SUGCT: variants seen among roughly 807,000 people sequenced by gnomAD.
SUGCT encodes the protein succinyl-CoA:glutarate-CoA transferase, also known as succinyl-CoA:glutarate CoA-transferase.
In SUGCT, 41 loss-of-function variants were observed where a neutral mutation model predicts 55.0. The observed-to-expected ratio is 0.74, with a 90% confidence interval of 0.58 to 0.97. SUGCT has a LOEUF of 0.97. SUGCT is among the 50% of genes least tolerant of loss of function. The pLI is 0.00. For synonymous variants in SUGCT, 187 were observed against 200.4 expected, an observed-to-expected ratio of 0.93 and a Z score of 0.56; for missense variants, 568 against 547.8, an observed-to-expected ratio of 1.04 and a Z score of -0.37.
At chr7:40,258,443 A>G (rs551588448) in intron 7 of SUGCT, among the ~76,000 whole-genome samples, 3 of 152,236 alleles carry the variant, frequency 2.0e-5, no homozygotes, top group African/African-American at 4.8e-5. Flanking sequence ...CAATGGCGCG[A>G]TCTTGGCTCA....
At chr7:40,975,100 CTCTAGTG>C in the SUGCT span, among the ~76,000 whole-genome samples, 4 of 152,174 alleles carry the variant, frequency 2.6e-5, no homozygotes, top group African/African-American at 9.7e-5. Context: ...TCTGAGGTGA[CTCTAGTG>C]TCTGATCAAT....
chr7:40,852,608 AT>A (rs60617283), intron 13 of SUGCT, among the ~76,000 whole-genome samples: 14,687 of 141,996 alleles, frequency 0.1, 805 homozygotes, highest in Middle Eastern at 0.2. Context: ...ACACTAGATC[AT>A]TTTTTTTTTT....
intron 12 of SUGCT, among the ~76,000 whole-genome samples, chr7:40,676,981 A>G (rs191369530): frequency 9.4e-4 from 143 of 151,862 alleles, no homozygotes; most frequent in African/African-American, 3.3e-3. Context: ...TGAAGTGCCC[A>G]CATAAGTCAT....
the SUGCT span, among the ~76,000 whole-genome samples, chr7:41,022,317 T>G: frequency 6.6e-6 from 1 of 152,206 alleles, no homozygotes; most frequent in Admixed American, 6.5e-5. Flanking sequence ...TAACTTTATA[T>G]TGAAAACAAC....
At chr7:40,223,759 T>G (rs1788177190) in intron 6 of SUGCT, among the ~76,000 whole-genome samples, 1 of 152,222 alleles carries the variant, frequency 6.6e-6, no homozygotes, top group Non-Finnish European at 1.5e-5. Context: ...TATTCTGTTC[T>G]TTCATTTATC....
In SUGCT at chr7:40,510,141, T is replaced by G. The variant is rs186411070; in HGVS notation, c.1089+13755T>G. 4.3e-3 allele frequency among the ~76,000 whole-genome samples: 651 copies of G among 152,168 alleles called. 6 individuals are homozygous for G. The highest frequency in any genetic ancestry group is 0.014 in the African/African-American group (593 of 41,552). ...AATAAATAACCAGAATTATAAAACA[T>G]TATTTATTATATTGATTATAAGGTA... is the stretch of plus-strand genomic sequence containing the variant. On this transcript the variant is annotated intron_variant, in intron 12 of 13. Transcript: ENST00000335693.
chr7:40,379,268 G>T (rs1252843682), intron 9 of SUGCT, among the ~76,000 whole-genome samples: 2 of 152,156 alleles, frequency 1.3e-5, no homozygotes, highest in African/African-American at 4.8e-5. Context: ...TCCTATTGTT[G>T]TAAGCCACCT....
intron 13 of SUGCT, among the ~76,000 whole-genome samples, chr7:40,777,415 G>A (rs1298728593): frequency 1.3e-5 from 2 of 151,436 alleles, no homozygotes; most frequent in Admixed American, 1.3e-4. Flanking sequence ...ACATTCTGAT[G>A]TGAATGGCCA....
chr7:40,566,117 G>A lies in SUGCT; in HGVS notation c.1089+69731G>A, dbSNP rs187673958. ...TGAATGACTCTGCTTCCCATGGAGC[G>A]TCTACAGTGTAGTCTTCTTAATCTT... is the stretch of plus-strand genomic sequence containing the variant. On this transcript the variant is annotated intron_variant, in intron 12 of 13. Transcript: ENST00000335693. 1.4e-4 allele frequency among the ~76,000 whole-genome samples: 21 copies of A among 152,134 alleles called. 1 individual carries two copies. In the East Asian group the frequency reaches 3.5e-3, roughly 25 times the overall value.
chr7:40,334,256 G>A (rs961238798), intron 9 of SUGCT, among the ~76,000 whole-genome samples: 3 of 152,124 alleles, frequency 2.0e-5, no homozygotes, highest in Admixed American at 2.0e-4. Flanking sequence ...ATTCCTTTGG[G>A]TATATACCCA....
rs375712336 is a variant in SUGCT at position 40,793,666 on chromosome 7, ATTTG to A, written c.1153+44174_1153+44177del. On this transcript the variant is annotated intron_variant, in intron 13 of 13. Coordinates refer to ENST00000335693, the MANE Select transcript of SUGCT (RefSeq NM_001193313.2). ...TTATATTTTTATTATCTTGTTTATA[ATTTG>A]TTTGACTTTTTGAATCTGAGAAGTC... is the stretch of plus-strand genomic sequence containing the variant. Among the ~76,000 whole-genome samples, 228 of 152,102 alleles carry A rather than the reference ATTTG, an allele frequency of 1.5e-3. 1 individual carries two copies. The highest frequency in any genetic ancestry group is 6.8e-3 in the Middle Eastern group (2 of 294).
At chr7:40,212,965 A>G (rs1462388593) in intron 6 of SUGCT, among the ~76,000 whole-genome samples, 1 of 152,230 alleles carries the variant, frequency 6.6e-6, no homozygotes, top group Non-Finnish European at 1.5e-5. Context: ...GTCGTATCAT[A>G]TATCATAAAT....
Position 40,180,845 on chromosome 7 carries a change from C to T in SUGCT, c.101-102C>T. On this transcript the variant is annotated intron_variant, in intron 1 of 13. Transcript: ENST00000335693. ...GTCTGTGGACTCCCTTGCTAAGAAT[C>T]ACTGTAGTCCTTGTGATCTGTCTCA... The T allele has an allele frequency of 4.6e-6, 4 of 862,930 alleles. No homozygotes were observed. In the Admixed American group the frequency reaches 8.4e-5, roughly 18 times the overall value. The allele number at this position is 862,930 out of a possible 1,614,324, so 53.5% of individuals were successfully genotyped here. A position where few individuals can be genotyped will look rare whatever the true frequency, so the allele number is the denominator to read the frequency against.
At chr7:40,900,584 G>T in the SUGCT span, among the ~76,000 whole-genome samples, 3 of 152,220 alleles carry the variant, frequency 2.0e-5, no homozygotes, top group Admixed American at 6.5e-5. Context: ...CAAACGCATC[G>T]TCTGTGCCCA....
rs1474115572 is a variant in SUGCT, at chr7:40,779,862, G to A, written c.1153+30365G>A. Among the ~76,000 whole-genome samples the A allele has an allele frequency of 5.9e-5, 9 of 152,200 alleles. No individual in the cohort carries two copies. The East Asian group carries it at 1.2e-3, about 20-fold the overall frequency. ...TTCTATTAGTGGCTTGGGGATAGAC[G>A]ACACCACCACATGTCTTTTATTTCT... On this transcript the variant is annotated intron_variant, in intron 13 of 13. Transcript: ENST00000335693.
intron 8 of SUGCT, among the ~76,000 whole-genome samples, chr7:40,309,225 CTA>C (rs1378574950): frequency 6.6e-6 from 1 of 152,160 alleles, no homozygotes; most frequent in Non-Finnish European, 1.5e-5. Flanking sequence ...GAGAGTAGGA[CTA>C]TGTCTTTCTC....
chr7:40,874,272 G>A, the SUGCT span, among the ~76,000 whole-genome samples: 1 of 152,204 alleles, frequency 6.6e-6, no homozygotes, highest in African/African-American at 2.4e-5. Flanking sequence ...TTGTGAAGAT[G>A]GCCCTGACAG....
chr7:40,408,589 TC>T (rs1216966001), intron 9 of SUGCT, among the ~76,000 whole-genome samples: 1 of 152,094 alleles, frequency 6.6e-6, no homozygotes, highest in Non-Finnish European at 1.5e-5. Context: ...GTGGAGGGAA[TC>T]TCAGATTTAT....
At chr7:40,690,258 A>G (rs1784636125) in intron 12 of SUGCT, among the ~76,000 whole-genome samples, 1 of 152,268 alleles carries the variant, frequency 6.6e-6, no homozygotes, top group African/African-American at 2.4e-5. Context: ...TCACAATATC[A>G]TTATATATAT....
Sources: gnomAD v4.1 joint callset for allele counts (sites outside exome capture counted in the v4.1 genomes callset) on GRCh38, gnomAD v4.1.1 for gene constraint, MANE v1.5 for transcripts, NCBI Gene and HGNC (gene_info 2026-07-23, HGNC 2026-07-21) for gene names.